PAQR5: variants seen among roughly 807,000 people sequenced by gnomAD.
The protein encoded by PAQR5 is progestin and adipoQ receptor family member 5.
A neutral mutation model predicts 34.5 loss-of-function variants in PAQR5; 20 were observed. That is an observed-to-expected ratio of 0.58 (90% CI 0.41 to 0.84). The LOEUF (loss-of-function observed/expected upper bound fraction) is 0.84. Ranked by LOEUF, PAQR5 falls within the 40% of genes least tolerant of loss-of-function variation. The pLI is 0.00. For synonymous variants in PAQR5, 131 were observed against 155.6 expected (o/e 0.84, Z 1.18); for missense variants, 378 against 412.7 (o/e 0.92, Z 0.73).
chr15:69,371,494 G>A (rs531785945), intron 3 of PAQR5, among the ~76,000 whole-genome samples: 1 of 152,062 alleles, frequency 6.6e-6, no homozygotes, highest in East Asian at 1.9e-4. Context: ...ATTTTATTAA[G>A]AAAAGTATAT....
At chr15:69,325,166 T>C (rs1409553972) in intron 1 of PAQR5, among the ~76,000 whole-genome samples, 1 of 152,222 alleles carries the variant, frequency 6.6e-6, no homozygotes, top group African/African-American at 2.4e-5. Context: ...CCCAGTGTGC[T>C]GGGCTTACAG....
At chr15:69,300,909 CTTCCTT>C (rs1340553787) in intron 1 of PAQR5, among the ~76,000 whole-genome samples, 2 of 21,274 alleles carry the variant, frequency 9.4e-5, no homozygotes, top group African/African-American at 2.0e-4. Context: ...TCCTTCCTTC[CTTCCTT>C]TCTCTCTCTC....
chr15:69,336,266 TA>T (rs1264800527), intron 1 of PAQR5, among the ~76,000 whole-genome samples: 16 of 152,346 alleles, frequency 1.1e-4, no homozygotes, highest in African/African-American at 3.6e-4. Flanking sequence ...AATCAAATTA[TA>T]AATTATATCT....
At position 69,404,375 on chromosome 15, in the gene PAQR5, C is replaced by T. The variant is rs1280473229; in HGVS notation, c.*553C>T. 1 of 153,044 alleles carries T rather than the reference C, an allele frequency of 6.5e-6. No homozygotes were observed. The highest frequency in any genetic ancestry group is 1.9e-4 in the East Asian group (1 of 5,232). 9.5% of individuals were successfully genotyped at this position (153,044 alleles called of 1,614,324 possible). A position where few individuals can be genotyped will look rare whatever the true frequency, so the allele number is the denominator to read the frequency against. ...TGGGGAGAGCCCTTCTTCCCTTCTCCACCTAGTGAAGGGAGAACAGAAGGG... is the reference window on the plus strand; with the variant it reads ...TGGGGAGAGCCCTTCTTCCCTTCTCTACCTAGTGAAGGGAGAACAGAAGGG... On this transcript the variant is annotated 3_prime_UTR_variant, in exon 9 of 9. Transcript: ENST00000395407.
intron 2 of PAQR5, among the ~76,000 whole-genome samples, chr15:69,346,577 C>T (rs1219765073): frequency 6.6e-6 from 1 of 150,762 alleles, no homozygotes; most frequent in African/African-American, 2.4e-5. Flanking sequence ...CACCTTTTAT[C>T]ACCTTTAATG....
chr15:69,360,401 C>G lies in PAQR5; in HGVS notation c.51+270C>G, dbSNP rs554493809. ...AGCAAAGTCATTACTGAGATTCAACCTGAAGAGATAAAGCCAGCAGCAGCT... is the reference window on the plus strand; with the variant it reads ...AGCAAAGTCATTACTGAGATTCAACGTGAAGAGATAAAGCCAGCAGCAGCT... On this transcript the variant is annotated intron_variant, in intron 3 of 8. Coordinates refer to ENST00000395407, the MANE Select transcript of PAQR5 (RefSeq NM_017705.4). Among the ~76,000 whole-genome samples the G allele has an allele frequency of 7.6e-4, 116 of 152,296 alleles. 1 individual carries two copies. The highest frequency in any genetic ancestry group is 2.5e-3 in the Admixed American group (39 of 15,296).
At chr15:69,374,037 G>A (rs1208685058) in intron 3 of PAQR5, among the ~76,000 whole-genome samples, 1 of 150,998 alleles carries the variant, frequency 6.6e-6, no homozygotes, top group Non-Finnish European at 1.5e-5. Flanking sequence ...TACATGTTCA[G>A]CCAGAAGAGA....
intron 1 of PAQR5, among the ~76,000 whole-genome samples, chr15:69,331,519 A>T (rs1357702782): frequency 6.6e-6 from 1 of 152,128 alleles, no homozygotes; most frequent in African/African-American, 2.4e-5. Context: ...AAGGGATCTC[A>T]GGAGAGGTTG....
At chr15:69,318,565 G>T (rs1197986434) in intron 1 of PAQR5, among the ~76,000 whole-genome samples, 1 of 151,950 alleles carries the variant, frequency 6.6e-6, no homozygotes, top group Non-Finnish European at 1.5e-5. Flanking sequence ...ATGTGGGATT[G>T]AATTTAAACT....
chr15:69,333,622 T>C (rs999668214), intron 1 of PAQR5, among the ~76,000 whole-genome samples: 28 of 152,298 alleles, frequency 1.8e-4, no homozygotes, highest in African/African-American at 6.3e-4. Flanking sequence ...GGTAGAAGCA[T>C]TGCACGGTCT....
At chr15:69,300,064 G>C (rs1302192737) in intron 1 of PAQR5, among the ~76,000 whole-genome samples, 1 of 152,038 alleles carries the variant, frequency 6.6e-6, no homozygotes, top group Non-Finnish European at 1.5e-5. Context: ...GTTTCCCACC[G>C]CATCCTTCCA....
rs2056750550 is a variant in PAQR5 at position 69,406,438 on chromosome 15, T to C, written c.*2616T>C. The C allele has an allele frequency of 6.6e-6, 1 of 152,278 alleles. No individual in the cohort carries two copies. Among genetic ancestry groups the C allele is most frequent in the Non-Finnish European group, 1.5e-5 (1 of 68,060 alleles). 9.4% of individuals were successfully genotyped at this position (152,278 alleles called of 1,614,324 possible). On this transcript the variant is annotated 3_prime_UTR_variant, in exon 9 of 9. Transcript: ENST00000395407. ...CATCTTTTTTCTAAAGAAATGAATTTGTGGCTGGTCTGAAGGTAGTGAGTT... is the reference window on the plus strand; with the variant it reads ...CATCTTTTTTCTAAAGAAATGAATTCGTGGCTGGTCTGAAGGTAGTGAGTT...
intron 3 of PAQR5, among the ~76,000 whole-genome samples, chr15:69,367,445 C>T (rs2055431607): frequency 6.6e-6 from 1 of 152,176 alleles, no homozygotes; most frequent in Non-Finnish European, 1.5e-5. Context: ...AGCTCGGTGA[C>T]TTAACATAGC....
intron 3 of PAQR5, among the ~76,000 whole-genome samples, chr15:69,361,748 A>T (rs1223140586): frequency 1.3e-5 from 2 of 152,198 alleles, no homozygotes; most frequent in Admixed American, 6.5e-5. Flanking sequence ...CTCCCTTGAC[A>T]TGTGGGAATT....
chr15:69,360,635 G>C (rs1236619777), intron 3 of PAQR5, among the ~76,000 whole-genome samples: 1 of 152,156 alleles, frequency 6.6e-6, no homozygotes, highest in Non-Finnish European at 1.5e-5. Context: ...CTCACAGGCA[G>C]GTACCCTGAA....
chr15:69,391,742 C>A lies in PAQR5; in HGVS notation c.512+1962C>A, dbSNP rs138276851. 1.1e-4 allele frequency: 51 copies of A among 454,208 alleles called. 1 individual carries two copies. The East Asian group carries it at 3.3e-3, about 30-fold the overall frequency. 28.1% of individuals were successfully genotyped at this position (454,208 alleles called of 1,614,324 possible). A position where few individuals can be genotyped will look rare whatever the true frequency, so the allele number is the denominator to read the frequency against. ...GAGGGGGCAGAGGAGGAAGAGAAGGCTTCGTGAGTGTGGAAGAAAGTCTCC... is the reference window on the plus strand; with the variant it reads ...GAGGGGGCAGAGGAGGAAGAGAAGGATTCGTGAGTGTGGAAGAAAGTCTCC... On this transcript the variant is annotated intron_variant, in intron 6 of 8. Coordinates refer to ENST00000395407, the MANE Select transcript of PAQR5 (RefSeq NM_017705.4).
intron 3 of PAQR5, 111 bp from the exon 4 acceptor site, chr15:69,379,772 T>G: frequency 5.1e-6 from 7 of 1,384,048 alleles, no homozygotes; most frequent in Non-Finnish European, 6.9e-6. Flanking sequence ...GGTTAAGGAC[T>G]TGGGGTCAAG....
intron 7 of PAQR5, among the ~76,000 whole-genome samples, chr15:69,399,398 T>C (rs2056551971): frequency 6.6e-6 from 1 of 152,228 alleles, no homozygotes; most frequent in Admixed American, 6.5e-5. Context: ...CTTACTTTAT[T>C]GTAAGAATAC....
chr15:69,368,418 G>T (rs1254176784), intron 3 of PAQR5, among the ~76,000 whole-genome samples: 1 of 152,234 alleles, frequency 6.6e-6, no homozygotes. Flanking sequence ...ACCTAACTTT[G>T]AGAAAGTCTG....
Sources: gnomAD v4.1 joint callset for allele counts (sites outside exome capture counted in the v4.1 genomes callset) on GRCh38, gnomAD v4.1.1 for gene constraint, MANE v1.5 for transcripts, NCBI Gene and HGNC (gene_info 2026-07-23, HGNC 2026-07-21) for gene names.